Variants in FLI1 observed in about 807,000 individuals in gnomAD.
FLI1 encodes the protein Fli-1 proto-oncogene, ETS transcription factor, also known as Friend leukemia integration 1 transcription factor.
In FLI1, 13 loss-of-function variants were observed where a neutral mutation model predicts 53.1. That is an observed-to-expected ratio of 0.24 (90% CI 0.16 to 0.39). The LOEUF is 0.39. Ranked by LOEUF, FLI1 falls within the 10% of genes least tolerant of loss-of-function variation. FLI1 has a pLI of 1.00. For synonymous variants in FLI1, 244 were observed against 236.7 expected, an observed-to-expected ratio of 1.03 and a Z score of -0.28; for missense variants, 424 against 600.5, an observed-to-expected ratio of 0.71 and a Z score of 3.07.
chr11:128,757,471 T>C (rs952049998), intron 1 of FLI1, among the ~76,000 whole-genome samples: 1 of 152,194 alleles, frequency 6.6e-6, no homozygotes, highest in African/African-American at 2.4e-5. Context: ...CCACTGAGCA[T>C]TTCTTACAAG....
intron 2 of FLI1, among the ~76,000 whole-genome samples, chr11:128,767,877 G>T (rs1254549135): frequency 3.3e-5 from 5 of 152,226 alleles, no homozygotes. Context: ...TGGTCTGAGG[G>T]CACTGAGGCG....
chr11:128,764,932 T>C, intron 2 of FLI1: 3 of 1,211,968 alleles, frequency 2.5e-6, no homozygotes, highest in Non-Finnish European at 3.5e-6. Flanking sequence ...CGCCTGCAGG[T>C]CCTAGTGCAG....
intron 1 of FLI1, among the ~76,000 whole-genome samples, chr11:128,746,843 G>A (rs1244650329): frequency 6.6e-6 from 1 of 152,180 alleles, no homozygotes; most frequent in Non-Finnish European, 1.5e-5. Context: ...GGAGCTGGGA[G>A]ATTAAGTAAC....
Position 128,810,751 on chromosome 11 carries a change from C to G in FLI1, c.1122C>G (p.Thr374=), listed in dbSNP as rs377471737. ...GIAQALQPHP[T]ESSMYKYPSD... is the part of the protein sequence containing the mutation. Reference sequence around the variant, plus strand: ...CCCAGGCTCTGCAGCCACATCCGACCGAGTCGTCCATGTACAAGTACCCTT... The same window carrying G: ...CCCAGGCTCTGCAGCCACATCCGACGGAGTCGTCCATGTACAAGTACCCTT... Residue 374 remains threonine, a synonymous_variant, in exon 9 of 9, where the codon ACC becomes ACG. Coordinates refer to ENST00000527786, the MANE Select transcript of FLI1 (RefSeq NM_002017.5). This position sits in a 1 kb window ranked among gnomAD's most constrained non-coding sequence, Gnocchi z 6.6. 3.1e-6 allele frequency: 5 copies of G among 1,614,078 alleles called. No homozygotes were observed. The Admixed American group carries it at 8.3e-5, about 27-fold the overall frequency.
chr11:128,685,994 G>A (rs377538088), upstream of FLI1: 148 of 207,336 alleles, frequency 7.1e-4, no homozygotes, highest in African/African-American at 2.6e-3. Flanking sequence ...GGACCTGACA[G>A]TCATTGTAGC....
At chr11:128,733,949 G>C (rs1175232397) in intron 1 of FLI1, among the ~76,000 whole-genome samples, 1 of 152,242 alleles carries the variant, frequency 6.6e-6, no homozygotes, top group African/African-American at 2.4e-5. Flanking sequence ...GCACAGTGAG[G>C]AGAGGAGCGA....
At chr11:128,792,553 GGAGA>G (rs954638388) in intron 5 of FLI1, among the ~76,000 whole-genome samples, 1 of 152,114 alleles carries the variant, frequency 6.6e-6, no homozygotes, top group Non-Finnish European at 1.5e-5. Context: ...ATCCATCCCT[GGAGA>G]GAGAGAGGGA....
chr11:128,687,204 T>C (rs1937596223), intron 1 of FLI1, among the ~76,000 whole-genome samples: 1 of 152,132 alleles, frequency 6.6e-6, no homozygotes, highest in Non-Finnish European at 1.5e-5. Context: ...GCCCACCTTC[T>C]TTGGCCCCGC....
At chr11:128,686,758 G>T (rs894176105) in intron 1 of FLI1, 14 of 301,310 alleles carry the variant, frequency 4.6e-5, no homozygotes, top group South Asian at 2.2e-4. Flanking sequence ...ACCCCACCCG[G>T]GCCTATGGTC....
At chr11:128,699,944 G>T (rs1454862783) in intron 1 of FLI1, among the ~76,000 whole-genome samples, 1 of 152,210 alleles carries the variant, frequency 6.6e-6, no homozygotes, top group Non-Finnish European at 1.5e-5. Context: ...ATGTCTGTTA[G>T]GCAGGGACTA....
At position 128,811,306 on chromosome 11, in the gene FLI1, G is replaced by GT; in HGVS notation, c.*322dup. 1 of 415,474 alleles carries GT rather than the reference G, an allele frequency of 2.4e-6. No homozygotes were observed. The allele number at this position is 415,474 out of a possible 1,614,324, so 25.7% of individuals were successfully genotyped here. On this transcript the variant is annotated 3_prime_UTR_variant, in exon 9 of 9. Transcript: ENST00000527786. Reference sequence around the variant, plus strand: ...CATGGTTCTGAGAAAGAAGCTGTACGTTTTCTTTATGTTTTTATGACCAAA... The same window carrying GT: ...CATGGTTCTGAGAAAGAAGCTGTACGTTTTTCTTTATGTTTTTATGACCAAA...
At chr11:128,686,482 C>G, upstream of FLI1, 1 of 455,892 alleles carries the variant, frequency 2.2e-6, no homozygotes, top group Non-Finnish European at 4.4e-6. Context: ...CAACACCCAA[C>G]CACTCGGACC....
chr11:128,706,691 A>G (rs1458025202), intron 1 of FLI1, among the ~76,000 whole-genome samples: 3 of 151,842 alleles, frequency 2.0e-5, no homozygotes, highest in Non-Finnish European at 2.9e-5. Flanking sequence ...ACCCACAGGG[A>G]CTCCTGCTTC....
chr11:128,706,215 G>A (rs757954047), intron 1 of FLI1, among the ~76,000 whole-genome samples: 4 of 152,162 alleles, frequency 2.6e-5, no homozygotes, highest in East Asian at 1.9e-4. Context: ...AGAAACATGC[G>A]TATAGGAGAA....
In FLI1 at chr11:128,701,415, G is replaced by T. The variant is rs746792175; in HGVS notation, c.18+7139G>T. On this transcript the variant is annotated intron_variant, in intron 1 of 8. Transcript: ENST00000527786. ...CATTCTTCCATGAGTTGGCTGGGCC[G>T]CTGGTCTCAGTTAGGAATACTGACA... Among the ~76,000 whole-genome samples the T allele has an allele frequency of 2.0e-5, 3 of 152,162 alleles. No individual in the cohort carries two copies. The East Asian group carries it at 5.8e-4, about 29-fold the overall frequency.
At chr11:128,774,698 G>C (rs760815831) in intron 4 of FLI1, among the ~76,000 whole-genome samples, 2 of 152,184 alleles carry the variant, frequency 1.3e-5, no homozygotes, top group Non-Finnish European at 2.9e-5. Flanking sequence ...GAGACTCTTC[G>C]GCGGATGCCC....
chr11:128,760,135 C>T (rs1160634751), intron 2 of FLI1, among the ~76,000 whole-genome samples: 1 of 152,228 alleles, frequency 6.6e-6, no homozygotes, highest in African/African-American at 2.4e-5. Context: ...GCCGGAGCTC[C>T]TAACAGTCGA....
intron 4 of FLI1, among the ~76,000 whole-genome samples, chr11:128,774,252 C>T (rs976066007): frequency 2.0e-5 from 3 of 152,114 alleles, no homozygotes; most frequent in African/African-American, 7.2e-5. Context: ...TCTCTGGTCA[C>T]CTTTCCGAGG....
At chr11:128,795,186 T>A (rs527727729) in intron 5 of FLI1, among the ~76,000 whole-genome samples, 1 of 152,232 alleles carries the variant, frequency 6.6e-6, no homozygotes, top group Non-Finnish European at 1.5e-5. Flanking sequence ...ACAATTACTT[T>A]ATCTGTCAAA....
Sources: allele counts gnomAD v4.1 joint callset (sites outside exome capture counted in the v4.1 genomes callset), GRCh38; gene constraint gnomAD v4.1.1; non-coding constraint Gnocchi (gnomAD v3.1); transcripts MANE v1.5; gene names NCBI Gene and HGNC (gene_info 2026-07-23, HGNC 2026-07-21).